RBM47: variants seen among roughly 807,000 people sequenced by gnomAD.
RBM47 encodes the protein RNA-binding protein 47.
A neutral mutation model predicts 47.1 loss-of-function variants in RBM47; 21 were observed. The observed-to-expected ratio is 0.45, with a 90% CI of 0.32 to 0.64. RBM47 has a LOEUF of 0.64. Among genes scored for constraint, RBM47 ranks in the 30% least tolerant of loss-of-function variants. The probability of loss-of-function intolerance (pLI) is 0.05; values close to 1 mark genes in which losing one functional copy is unlikely to be tolerated. For missense variants in RBM47, 708 were observed against 870.9 expected, an observed-to-expected ratio of 0.81 and a Z score of 2.35; for synonymous variants, 375 against 361.7, an observed-to-expected ratio of 1.04 and a Z score of -0.42.
intron 6 of RBM47, chr4:40,427,053 G>T (rs1310037359): frequency 6.6e-6 from 1 of 152,202 alleles, no homozygotes; most frequent in Non-Finnish European, 1.5e-5. Context: ...CAGAGACAGA[G>T]AGAGGAACAG....
At chr4:40,440,711 C>G (rs1037587750) in intron 3 of RBM47, among the ~76,000 whole-genome samples, 1 of 152,188 alleles carries the variant, frequency 6.6e-6, no homozygotes, top group Non-Finnish European at 1.5e-5. Flanking sequence ...AGCTCTAATA[C>G]TTGCTAGTGT....
chr4:40,482,214 C>G (rs1720530979), intron 2 of RBM47, among the ~76,000 whole-genome samples: 1 of 152,100 alleles, frequency 6.6e-6, no homozygotes, highest in Non-Finnish European at 1.5e-5. Context: ...GGGAAAGCTT[C>G]CTGGAGGAGG....
chr4:40,426,372 G>A (rs938366568), intron 6 of RBM47, among the ~76,000 whole-genome samples: 5 of 152,300 alleles, frequency 3.3e-5, no homozygotes, highest in African/African-American at 1.2e-4. Context: ...TTGTGAAAGT[G>A]AGAGGCCTGG....
chr4:40,627,823 T>C (rs1737881955), intron 1 of RBM47, among the ~76,000 whole-genome samples: 1 of 152,194 alleles, frequency 6.6e-6, no homozygotes, highest in Non-Finnish European at 1.5e-5. Context: ...CAGAATTCTT[T>C]CAAAATTTAA....
chr4:40,529,586 C>A (rs566504174), intron 2 of RBM47, among the ~76,000 whole-genome samples: 109 of 143,556 alleles, frequency 7.6e-4, no homozygotes, highest in African/African-American at 2.8e-3. Flanking sequence ...GTAATCCCAG[C>A]ATTTTGGGAG....
chr4:40,423,705 TTTCTTTCTTTTC>T lies in RBM47; in HGVS notation c.*2187_*2198del, dbSNP rs1463729824. 6 of 49,482 alleles carry T rather than the reference TTTCTTTCTTTTC, an allele frequency of 1.2e-4. No homozygotes were observed. Among genetic ancestry groups the T allele is most frequent in the Non-Finnish European group, 2.2e-4 (6 of 27,736 alleles). The allele number at this position is 49,482 out of a possible 1,614,324, so 3.1% of individuals were successfully genotyped here. On this transcript the variant is annotated 3_prime_UTR_variant, in exon 7 of 7. Coordinates refer to ENST00000295971, the MANE Select transcript of RBM47 (RefSeq NM_001098634.2). ...CTTTCTTTCTTTCTTTCTTTCTTTCTTTCTTTCTTTTCTTTCTTTTCTTTCTTCCTCTTCTTC... is the reference window on the plus strand; with the variant it reads ...CTTTCTTTCTTTCTTTCTTTCTTTCTTTTCTTTTCTTTCTTCCTCTTCTTC...
chr4:40,550,250 C>A (rs1446121976), intron 1 of RBM47, among the ~76,000 whole-genome samples: 1 of 152,120 alleles, frequency 6.6e-6, no homozygotes, highest in African/African-American at 2.4e-5. Flanking sequence ...GTAAAATGTT[C>A]TCAACGATTA....
chr4:40,579,423 G>GGAAAAA (rs1553904315), intron 1 of RBM47, among the ~76,000 whole-genome samples: 1 of 102,010 alleles, frequency 9.8e-6, no homozygotes, highest in African/African-American at 4.0e-5. Context: ...CCCTGTCTCA[G>GGAAAAA]AAAAAAAAAA....
chr4:40,498,055 T>C lies in RBM47; in HGVS notation c.-154-31356A>G, dbSNP rs547268172. Among the ~76,000 whole-genome samples, 59 of 44,806 alleles carry C rather than the reference T, an allele frequency of 1.3e-3. 3 individuals carry two copies. In the East Asian group the frequency reaches 0.057, roughly 43 times the overall value. 29.4% of individuals were successfully genotyped at this position (44,806 alleles called of 152,430 possible). The stretch of plus-strand genomic sequence containing the variant: ...GCAAATAAAATGTAAGTGCTTGTTT[T>C]ATATATATATATATATATATATATG... On this transcript the variant is annotated intron_variant, in intron 2 of 6. Transcript: ENST00000295971.
chr4:40,545,399 C>T (rs922407471), intron 1 of RBM47, among the ~76,000 whole-genome samples: 18 of 147,018 alleles, frequency 1.2e-4, no homozygotes, highest in African/African-American at 4.4e-4. Context: ...CGCAGTGGCT[C>T]ACACCTGTAA....
chr4:40,629,769 C>G lies in RBM47; in HGVS notation c.-613G>C, dbSNP rs887669463. ...CAGCGAAGTTCTCTCGGGCTCAGCT[C>G]CCGAGGCCGGGAGCGCGCGGCGGTT... On this transcript the variant is annotated 5_prime_UTR_variant, in exon 1 of 7. Transcript: ENST00000295971. 6.6e-6 allele frequency: 1 copy of G among 152,214 alleles called. No homozygotes were observed. The highest frequency in any genetic ancestry group is 1.5e-5 in the Non-Finnish European group (1 of 68,050). The allele number at this position is 152,214 out of a possible 1,614,324, so 9.4% of individuals were successfully genotyped here.
chr4:40,516,894 C>T (rs1725643656), intron 2 of RBM47, among the ~76,000 whole-genome samples: 4 of 152,192 alleles, frequency 2.6e-5, no homozygotes, highest in Admixed American at 2.6e-4. Flanking sequence ...GGGCCAGCCC[C>T]TTATTCTAAT....
At chr4:40,489,541 A>G (rs537683394) in intron 2 of RBM47, among the ~76,000 whole-genome samples, 2 of 152,322 alleles carry the variant, frequency 1.3e-5, no homozygotes, top group East Asian at 3.9e-4. Context: ...AATACTATGA[A>G]CAATTATATG....
At chr4:40,512,714 C>CAAA in intron 2 of RBM47, among the ~76,000 whole-genome samples, 1 of 43,288 alleles carries the variant, frequency 2.3e-5, no homozygotes. Flanking sequence ...GACTTCATCT[C>CAAA]AAAAAAAAAA....
intron 6 of RBM47, among the ~76,000 whole-genome samples, chr4:40,431,670 AAAG>A (rs1286606646): frequency 4.0e-5 from 4 of 99,450 alleles, no homozygotes; most frequent in Non-Finnish European, 6.5e-5. Flanking sequence ...AAAAAAAAAA[AAAG>A]AGAGAGAAAA....
chr4:40,454,785 C>G (rs1368781928), intron 3 of RBM47, among the ~76,000 whole-genome samples: 1 of 152,132 alleles, frequency 6.6e-6, no homozygotes, highest in South Asian at 2.1e-4. Flanking sequence ...TGGTGGCTCA[C>G]GCCTGGCCAT....
chr4:40,529,103 C>T (rs1727090453), intron 2 of RBM47, among the ~76,000 whole-genome samples: 1 of 152,130 alleles, frequency 6.6e-6, no homozygotes, highest in South Asian at 2.1e-4. Flanking sequence ...CTATTAAGCA[C>T]TTGAAATGTG....
chr4:40,551,078 A>ACT, intron 1 of RBM47, among the ~76,000 whole-genome samples: 1 of 152,258 alleles, frequency 6.6e-6, no homozygotes, highest in Admixed American at 6.5e-5. Flanking sequence ...GGCTGTTAGG[A>ACT]AGCTGTGTAG....
At chr4:40,513,156 T>C (rs1725164291) in intron 2 of RBM47, among the ~76,000 whole-genome samples, 1 of 152,248 alleles carries the variant, frequency 6.6e-6, no homozygotes, top group Admixed American at 6.5e-5. Context: ...GGAGGAAATG[T>C]CTTCCAATTT....
Sources: gnomAD v4.1 joint callset for allele counts (sites outside exome capture counted in the v4.1 genomes callset) on GRCh38, gnomAD v4.1.1 for gene constraint, MANE v1.5 for transcripts, NCBI Gene and HGNC (gene_info 2026-07-23, HGNC 2026-07-21) for gene names.